Variants in IMMP2L observed in about 807,000 individuals in gnomAD.
IMMP2L encodes the protein mitochondrial inner membrane protease subunit 2.
IMMP2L carries 18 observed loss-of-function variants against 19.3 expected under a neutral mutation model. The ratio of observed to expected loss-of-function variants is 0.93; its 90% CI spans 0.64 to 1.38. The LOEUF is 1.38. Ranked by LOEUF, IMMP2L falls within the 40% of genes most tolerant of loss-of-function variation. The pLI, the probability that IMMP2L is intolerant of heterozygous loss-of-function variation, is 0.00. For synonymous variants in IMMP2L, 76 were observed against 73.0 expected, an observed-to-expected ratio of 1.04 and a Z score of -0.21; for missense variants, 233 against 218.2, an observed-to-expected ratio of 1.07 and a Z score of -0.43.
At chr7:111,294,843 CTCAG>C (rs1330715835) in intron 3 of IMMP2L, among the ~76,000 whole-genome samples, 2 of 151,822 alleles carry the variant, frequency 1.3e-5, no homozygotes, top group African/African-American at 2.4e-5. Flanking sequence ...ATGTAATTTT[CTCAG>C]TCAGTATTTC....
intron 5 of IMMP2L, among the ~76,000 whole-genome samples, chr7:110,695,898 G>C (rs760145845): frequency 2.0e-4 from 30 of 152,192 alleles, no homozygotes; most frequent in Admixed American, 1.8e-3. Context: ...AACTGCACAG[G>C]TTAATAAACT....
chr7:111,226,294 C>T (rs1320632205), intron 3 of IMMP2L, among the ~76,000 whole-genome samples: 1 of 152,004 alleles, frequency 6.6e-6, no homozygotes, highest in Non-Finnish European at 1.5e-5. Flanking sequence ...GCTTGGACTA[C>T]AGCCATGTGC....
chr7:110,681,128 A>T (rs1294469857), intron 5 of IMMP2L, among the ~76,000 whole-genome samples: 2 of 152,068 alleles, frequency 1.3e-5, no homozygotes, highest in Non-Finnish European at 2.9e-5. Flanking sequence ...GTGAAAGAAT[A>T]ATGTTTATAA....
At chr7:110,912,982 G>A (rs913709220) in intron 4 of IMMP2L, among the ~76,000 whole-genome samples, 4 of 152,074 alleles carry the variant, frequency 2.6e-5, no homozygotes, top group African/African-American at 9.7e-5. Context: ...ATTGTGGAAG[G>A]TGGAGATCAT....
At chr7:111,288,947 T>C (rs2130806673) in intron 3 of IMMP2L, among the ~76,000 whole-genome samples, 1 of 152,294 alleles carries the variant, frequency 6.6e-6, no homozygotes. Context: ...TAAATCATTC[T>C]ACTAGAAAGA....
At chr7:110,692,591 A>G (rs1429513173) in intron 5 of IMMP2L, among the ~76,000 whole-genome samples, 1 of 152,146 alleles carries the variant, frequency 6.6e-6, no homozygotes, top group Non-Finnish European at 1.5e-5. Context: ...GTTGCATTTG[A>G]TTTCACTGAA....
chr7:110,954,428 C>T (rs1245029168), intron 4 of IMMP2L, among the ~76,000 whole-genome samples: 2 of 152,070 alleles, frequency 1.3e-5, no homozygotes, highest in Non-Finnish European at 2.9e-5. Flanking sequence ...GAGACAGGAA[C>T]AGTGTTTAAC....
chr7:111,237,449 T>C (rs1407546212), intron 3 of IMMP2L, among the ~76,000 whole-genome samples: 3 of 152,048 alleles, frequency 2.0e-5, no homozygotes, highest in Non-Finnish European at 4.4e-5. Flanking sequence ...ATAATTTGTT[T>C]CTTTCAAAAA....
chr7:111,243,644 C>T (rs1312838174), intron 3 of IMMP2L, among the ~76,000 whole-genome samples: 1 of 116,672 alleles, frequency 8.6e-6, no homozygotes, highest in Non-Finnish European at 1.7e-5. Context: ...TTAGGTATAT[C>T]TCCCAATGCT....
chr7:111,507,290 T>C (rs1222842647), intron 2 of IMMP2L, among the ~76,000 whole-genome samples: 1 of 152,206 alleles, frequency 6.6e-6, no homozygotes, highest in Non-Finnish European at 1.5e-5. Context: ...CTATATTTCC[T>C]CTAATTTCTG....
intron 5 of IMMP2L, among the ~76,000 whole-genome samples, chr7:110,756,600 G>A (rs1798057714): frequency 1.3e-5 from 2 of 152,150 alleles, no homozygotes; most frequent in South Asian, 4.1e-4. Context: ...TTCTGGAATG[G>A]GCAGGCCATA....
At position 110,806,792 on chromosome 7, in the gene IMMP2L, T is replaced by C. The variant is rs549355558; in HGVS notation, c.408+79801A>G. Among the ~76,000 whole-genome samples, 5 of 152,022 alleles carry C rather than the reference T, an allele frequency of 3.3e-5. No homozygotes were observed. The East Asian group carries it at 5.8e-4, about 18-fold the overall frequency. ...CCCCCTTTGAAATTTTCTGGCATAG[T>C]CAGAAAAGGTGATATGAAAGATGAG... On this transcript the variant is annotated intron_variant, in intron 5 of 5. Transcript: ENST00000405709.
chr7:110,996,820 G>A (rs1357035717), intron 3 of IMMP2L, among the ~76,000 whole-genome samples: 1 of 151,940 alleles, frequency 6.6e-6, no homozygotes, highest in Non-Finnish European at 1.5e-5. Flanking sequence ...ATCACACCCA[G>A]AATACTGACA....
chr7:111,011,157 A>C (rs936393733), intron 3 of IMMP2L, among the ~76,000 whole-genome samples: 2 of 152,106 alleles, frequency 1.3e-5, no homozygotes, highest in Non-Finnish European at 2.9e-5. Flanking sequence ...GTACCCACTA[A>C]ATTTTAAAAT....
At chr7:110,703,701 T>C (rs183830782) in intron 5 of IMMP2L, among the ~76,000 whole-genome samples, 29 of 152,252 alleles carry the variant, frequency 1.9e-4, no homozygotes, top group Admixed American at 9.2e-4. Flanking sequence ...AAACAAAACA[T>C]TGATGTTTGC....
At chr7:110,779,486 G>A (rs976232647) in intron 5 of IMMP2L, among the ~76,000 whole-genome samples, 4 of 151,878 alleles carry the variant, frequency 2.6e-5, no homozygotes, top group African/African-American at 9.7e-5. Context: ...CTGAGGTCTG[G>A]CAGGGGGAGA....
At chr7:110,735,633 A>AAT (rs1179320759) in intron 5 of IMMP2L, among the ~76,000 whole-genome samples, 49 of 139,870 alleles carry the variant, frequency 3.5e-4, no homozygotes, top group African/African-American at 6.3e-4. Flanking sequence ...TGTGTCTACA[A>AAT]ATATATATAT....
At chr7:111,272,582 C>A (rs956946470) in intron 3 of IMMP2L, among the ~76,000 whole-genome samples, 1 of 152,126 alleles carries the variant, frequency 6.6e-6, no homozygotes, top group East Asian at 1.9e-4. Flanking sequence ...GTAAGTGTCC[C>A]AAACTAGGCA....
intron 3 of IMMP2L, among the ~76,000 whole-genome samples, chr7:111,392,579 T>G (rs904898927): frequency 2.6e-5 from 4 of 152,082 alleles, no homozygotes; most frequent in African/African-American, 9.7e-5. Context: ...ACCAACCAAT[T>G]CTGACACAAA....
Sources: allele counts gnomAD v4.1 joint callset (sites outside exome capture counted in the v4.1 genomes callset), GRCh38; gene constraint gnomAD v4.1.1; transcripts MANE v1.5; gene names NCBI Gene and HGNC (gene_info 2026-07-23, HGNC 2026-07-21).